Variants in CTPS2 observed in about 807,000 individuals in gnomAD.
CTPS2 encodes CTP synthase II.
CTPS2 carries 19 observed loss-of-function variants against 46.8 expected under a neutral mutation model. The observed-to-expected ratio is 0.41, with a 90% confidence interval of 0.28 to 0.60. The LOEUF is 0.60. CTPS2 is among the 20% of genes least tolerant of loss of function. The pLI, the probability that CTPS2 is intolerant of heterozygous loss-of-function variation, is 0.35. For synonymous variants in CTPS2, 151 were observed against 165.2 expected (o/e 0.91, Z 0.66); for missense variants, 286 against 447.6 (o/e 0.64, Z 3.26).
chrX:16,691,978 G>A, intron 6 of CTPS2, among the ~76,000 whole-genome samples: 1 of 111,585 alleles, frequency 9.0e-6, no homozygotes, highest in Middle Eastern at 4.6e-3. Context: ...CCTCAATTGA[G>A]GTGCAGTGTG....
chrX:16,701,108 T>C (rs1331100830), intron 2 of CTPS2, among the ~76,000 whole-genome samples: 2 of 111,948 alleles, frequency 1.8e-5, no homozygotes, highest in Non-Finnish European at 3.8e-5. Flanking sequence ...TGGGTAACAT[T>C]TTGAAGCAAA....
intron 15 of CTPS2, 93 bp from the exon 16 acceptor site, chrX:16,617,339 G>A: frequency 5.4e-6 from 3 of 557,483 alleles, no homozygotes. Context: ...TTCCATTTCA[G>A]TGATCCTCTA....
rs200153556 is a variant in CTPS2, at chrX:16,691,506, T to C, written c.720+34A>G. 35 of 1,122,393 alleles carry C rather than the reference T, an allele frequency of 3.1e-5. No individual in the cohort carries two copies. The East Asian group carries it at 1.0e-3, about 34-fold the overall frequency. The allele number at this position is 1,122,393 out of a possible 1,213,427, so 92.5% of individuals were successfully genotyped here. A position where few individuals can be genotyped will look rare whatever the true frequency, so the allele number is the denominator to read the frequency against. On this transcript the variant is annotated intron_variant, in intron 7 of 18. Coordinates refer to ENST00000359276, the MANE Select transcript of CTPS2 (RefSeq NM_175859.3). The stretch of plus-strand genomic sequence containing the variant: ...AAACACTGGCATCAGCAGAAGTGCC[T>C]GCCAGACAATAAAATCTAAAGAGCA...
Position 16,670,596 on chromosome X carries a change from C to G in CTPS2, c.1173G>C (p.Lys391Asn). 1 of 1,204,522 alleles carries G rather than the reference C, an allele frequency of 8.3e-7. No homozygotes were observed. Among genetic ancestry groups the G allele is most frequent in the Non-Finnish European group, 1.1e-6 (1 of 891,298 alleles). ...GAGTTTTACCCAGAAAAGGAATCTT[C>G]TTTGTCCTTGCCCAAGAAATCGCCT... ...KLQAISWARTKKIPFLGVCLG... is the reference protein window; with the variant it reads ...KLQAISWARTNKIPFLGVCLG... Residue 391 changes from lysine (K) to asparagine (N), a missense_variant, in exon 11 of 19, where the codon AAG becomes AAC. Transcript: ENST00000359276.
intron 11 of CTPS2, among the ~76,000 whole-genome samples, chrX:16,670,044 C>T (rs1354260787): frequency 2.2e-5 from 2 of 92,917 alleles, no homozygotes; most frequent in Non-Finnish European, 4.1e-5. Flanking sequence ...GGCAACATAG[C>T]AAGACTCCAT....
At chrX:16,638,117 C>T (rs1195783067) in intron 14 of CTPS2, among the ~76,000 whole-genome samples, 9 of 109,623 alleles carry the variant, frequency 8.2e-5, no homozygotes, top group Admixed American at 4.9e-4. Context: ...TAGCCGGGCG[C>T]GGTGGTAGGC....
intron 1 of CTPS2, among the ~76,000 whole-genome samples, chrX:16,704,524 C>T (rs1045456910): frequency 9.8e-5 from 11 of 111,818 alleles, no homozygotes; most frequent in Admixed American, 1.9e-4. Flanking sequence ...GATGAATAGT[C>T]ACAATACAAA....
At chrX:16,636,302 G>A (rs1195706621) in intron 14 of CTPS2, among the ~76,000 whole-genome samples, 1 of 111,777 alleles carries the variant, frequency 8.9e-6, no homozygotes, top group Non-Finnish European at 1.9e-5. Context: ...GGCTGAGGCA[G>A]GAGAATCGCT....
chrX:16,603,602 G>T (rs952482862), intron 17 of CTPS2, among the ~76,000 whole-genome samples: 5 of 94,912 alleles, frequency 5.3e-5, no homozygotes, highest in African/African-American at 1.7e-4. Flanking sequence ...TAGATAGATA[G>T]ATACACTCAC....
At chrX:16,627,680 G>A (rs1057200133) in intron 14 of CTPS2, among the ~76,000 whole-genome samples, 22 of 111,570 alleles carry the variant, frequency 2.0e-4, no homozygotes, top group African/African-American at 7.2e-4. Context: ...TGCCCTACTG[G>A]CCTAGATGCT....
At chrX:16,606,306 G>C (rs769991711) in intron 17 of CTPS2, among the ~76,000 whole-genome samples, 2 of 112,131 alleles carry the variant, frequency 1.8e-5, no homozygotes, top group East Asian at 2.8e-4. Flanking sequence ...GCTCACATTA[G>C]AGCCTGGCAT....
At chrX:16,597,994 T>A (rs1230956365) in intron 17 of CTPS2, among the ~76,000 whole-genome samples, 2 of 108,420 alleles carry the variant, frequency 1.8e-5, no homozygotes, top group Non-Finnish European at 3.8e-5. Context: ...GGCTCTCTGT[T>A]TGTCTGTTAT....
chrX:16,611,582 CT>C (rs1303639108), intron 16 of CTPS2, among the ~76,000 whole-genome samples: 1 of 108,977 alleles, frequency 9.2e-6, no homozygotes, highest in East Asian at 2.9e-4. Context: ...TATGTAGCTA[CT>C]TAAATTCATT....
intron 10 of CTPS2, among the ~76,000 whole-genome samples, chrX:16,676,929 C>T (rs1427528148): frequency 1.8e-5 from 2 of 110,036 alleles, no homozygotes; most frequent in African/African-American, 6.6e-5. Context: ...CATGGTAGCG[C>T]GTGCCTGTAA....
intron 17 of CTPS2, among the ~76,000 whole-genome samples, chrX:16,606,090 A>G (rs377709246): frequency 4.4e-5 from 5 of 112,365 alleles, no homozygotes; most frequent in Admixed American, 2.8e-4. Context: ...CGGAGGTTAC[A>G]CCTCAGGTAC....
chrX:16,658,732 G>C (rs774941879), intron 13 of CTPS2, among the ~76,000 whole-genome samples: 2 of 112,265 alleles, frequency 1.8e-5, no homozygotes, highest in Non-Finnish European at 3.8e-5. Context: ...TTTTGTTCAC[G>C]ATGGTGCACA....
At chrX:16,703,568 A>G (rs779395882) in intron 1 of CTPS2, among the ~76,000 whole-genome samples, 1 of 111,721 alleles carries the variant, frequency 9.0e-6, no homozygotes, top group South Asian at 3.7e-4. Flanking sequence ...CCTGGGCTCA[A>G]GCAATCCTCT....
chrX:16,649,117 A>T (rs1404477833), intron 13 of CTPS2, among the ~76,000 whole-genome samples: 1 of 112,488 alleles, frequency 8.9e-6, no homozygotes, highest in African/African-American at 3.2e-5. Flanking sequence ...GGCAATTTTA[A>T]ATCATGGCAG....
chrX:16,606,767 C>CT (rs773707183), intron 17 of CTPS2, among the ~76,000 whole-genome samples: 104 of 104,020 alleles, frequency 1.0e-3, no homozygotes, highest in Middle Eastern at 5.0e-3. Flanking sequence ...ACTAGGAAGC[C>CT]TTTTTTTTTT....
Sources: allele counts gnomAD v4.1 joint callset (sites outside exome capture counted in the v4.1 genomes callset), GRCh38; gene constraint gnomAD v4.1.1; transcripts MANE v1.5; gene names NCBI Gene and HGNC (gene_info 2026-07-23, HGNC 2026-07-21).